FNBP4: variants seen among roughly 807,000 people sequenced by gnomAD.
FNBP4 encodes formin binding protein 4.
A neutral mutation model predicts 119.3 loss-of-function variants in FNBP4; 34 were observed. The observed-to-expected ratio is 0.28, with a 90% CI of 0.22 to 0.38. The LOEUF (loss-of-function observed/expected upper bound fraction) is 0.38. Ranked by LOEUF, FNBP4 falls within the 10% of genes least tolerant of loss-of-function variation. The probability of loss-of-function intolerance (pLI) is 1.00; values close to 1 mark genes in which losing one functional copy is unlikely to be tolerated. For missense variants in FNBP4, 1,112 were observed against 1,228.9 expected, an observed-to-expected ratio of 0.90 and a Z score of 1.42; for synonymous variants, 462 against 430.6, an observed-to-expected ratio of 1.07 and a Z score of -0.90.
chr11:47,750,655 C>G (rs575370169), intron 6 of FNBP4, among the ~76,000 whole-genome samples: 2 of 115,970 alleles, frequency 1.7e-5, no homozygotes, highest in Non-Finnish European at 3.2e-5. Context: ...CACCACTGTA[C>G]TCCAGCCTGG....
Position 47,754,399 on chromosome 11 carries a change from CAA to C in FNBP4, c.450+127_450+128del, listed in dbSNP as rs578083364. On this transcript the variant is annotated intron_variant, in intron 3 of 16. Coordinates refer to ENST00000263773, the MANE Select transcript of FNBP4 (RefSeq NM_015308.5). Reference sequence around the variant, plus strand: ...AGAGAGATAGAGATCGGGAGAAATACAAGAGAGTGTTGGAGGGAGAGGGAGAA... The same window carrying C: ...AGAGAGATAGAGATCGGGAGAAATACGAGAGTGTTGGAGGGAGAGGGAGAA... 1,579 of 873,024 alleles carry C rather than the reference CAA, an allele frequency of 1.8e-3. 2 individuals carry two copies. Among genetic ancestry groups the C allele is most frequent in the Non-Finnish European group, 2.4e-3 (1,335 of 554,526 alleles). The allele number at this position is 873,024 out of a possible 1,614,324, so 54.1% of individuals were successfully genotyped here.
At chr11:47,721,528 G>C (rs2097555637) in intron 15 of FNBP4, among the ~76,000 whole-genome samples, 1 of 152,050 alleles carries the variant, frequency 6.6e-6, no homozygotes, top group Admixed American at 6.6e-5. Flanking sequence ...GCTTGAACTG[G>C]GAGGCAGAGG....
chr11:47,724,874 A>G, intron 12 of FNBP4, 96 bp from the exon 13 acceptor site: 1 of 1,456,668 alleles, frequency 6.9e-7, no homozygotes, highest in African/African-American at 1.4e-5. Context: ...ATAATCATTT[A>G]TAGGAACCTA....
At chr11:47,757,326 T>C (rs1221475674) in intron 2 of FNBP4, among the ~76,000 whole-genome samples, 1 of 152,202 alleles carries the variant, frequency 6.6e-6, no homozygotes, top group Non-Finnish European at 1.5e-5. Flanking sequence ...GCCATTCTCC[T>C]GCCTCAGCCT....
chr11:47,736,200 C>T (rs1419606494), intron 9 of FNBP4, among the ~76,000 whole-genome samples: 6 of 149,512 alleles, frequency 4.0e-5, no homozygotes, highest in Admixed American at 3.4e-4. Context: ...AAGATCGGGC[C>T]ACGGCACTCC....
intron 12 of FNBP4, chr11:47,730,105 T>G: frequency 1.0e-6 from 1 of 985,436 alleles, no homozygotes; most frequent in Non-Finnish European, 1.2e-6. Context: ...ATTTTCAACT[T>G]TGGAACATAT....
chr11:47,726,407 ATTTTTT>A (rs5791786), intron 12 of FNBP4: 49,907 of 135,772 alleles, frequency 0.37, 9,922 homozygotes, highest in South Asian at 0.54. Context: ...CTAATTTTTA[ATTTTTT>A]TTTTTTTTTT....
chr11:47,742,533 T>C (rs1018257497), intron 8 of FNBP4, among the ~76,000 whole-genome samples: 1 of 92,262 alleles, frequency 1.1e-5, no homozygotes, highest in South Asian at 3.6e-4. Context: ...ATGAGAATAA[T>C]GAAAAGATAA....
At position 47,716,521 on chromosome 11, in the gene FNBP4, G is replaced by T. The variant is rs1475156299; in HGVS notation, c.*901C>A. 1.3e-5 allele frequency: 2 copies of T among 152,516 alleles called. No homozygotes were observed. The highest frequency in any genetic ancestry group is 3.8e-4 in the East Asian group (2 of 5,200). 9.4% of individuals were successfully genotyped at this position (152,516 alleles called of 1,614,324 possible). On this transcript the variant is annotated 3_prime_UTR_variant, in exon 17 of 17. Transcript: ENST00000263773. The stretch of plus-strand genomic sequence containing the variant: ...GACGAGCAAAAGGATAACCCATCAG[G>T]ATTATAAAAAAAGCTTTATTAGTGC...
intron 8 of FNBP4, among the ~76,000 whole-genome samples, chr11:47,743,118 T>G (rs1334818898): frequency 1.3e-5 from 2 of 152,118 alleles, no homozygotes; most frequent in African/African-American, 4.8e-5. Context: ...TGAACCACGA[T>G]CCATAAAAGT....
Position 47,724,472 on chromosome 11 carries a change from C to A in FNBP4, c.2315G>T (p.Ser772Ile), listed in dbSNP as rs148898872. 1,685 of 1,614,228 alleles carry A rather than the reference C, an allele frequency of 1.0e-3. 18 individuals carry two copies. The African/African-American group carries it at 0.018, about 17-fold the overall frequency. Residue 772 changes from serine (S) to isoleucine (I), a missense_variant, in exon 13 of 17, where the codon AGC becomes ATC. By Grantham distance (142) the Ser-to-Ile change is moderately radical. This residue lies in a region of FNBP4 where 826 missense variants were observed against 988.8 expected (regional missense o/e 0.84). Transcript: ENST00000263773. The part of the protein sequence containing the change: ...KPSAQTTVVT[S>I]QSSVDSTISS... ...ATGCCAAAGGGAATTACTTACCTGG[C>A]TAGTTACAACTGTGGTTTGTGCTGA... is the stretch of plus-strand genomic sequence containing the variant.
At chr11:47,743,592 C>A (rs1220729886) in intron 8 of FNBP4, among the ~76,000 whole-genome samples, 3 of 152,146 alleles carry the variant, frequency 2.0e-5, no homozygotes, top group East Asian at 1.9e-4. Flanking sequence ...GCTCTTCGAC[C>A]TTACCATGAA....
In FNBP4 at chr11:47,735,827, C is replaced by A. The variant is rs140240847; in HGVS notation, c.1581+789G>T. The stretch of plus-strand genomic sequence containing the variant: ...CGGTGCGGTGGCTCATGCCTGTAAT[C>A]CCAGCACTTTGGGAGGCCGAGGCAG... On this transcript the variant is annotated intron_variant, in intron 9 of 16. Coordinates refer to ENST00000263773, the MANE Select transcript of FNBP4 (RefSeq NM_015308.5). Among the ~76,000 whole-genome samples, 39 of 152,146 alleles carry A rather than the reference C, an allele frequency of 2.6e-4. No individual in the cohort carries two copies. The East Asian group carries it at 7.5e-3, about 29-fold the overall frequency.
intron 12 of FNBP4, among the ~76,000 whole-genome samples, chr11:47,730,669 A>G (rs1340440396): frequency 6.6e-6 from 1 of 152,230 alleles, no homozygotes; most frequent in Non-Finnish European, 1.5e-5. Context: ...ATAGCTACCA[A>G]TTCTTAAGAT....
chr11:47,732,514 G>A lies in FNBP4; in HGVS notation c.1820+23C>T. ...GTCTGAGATGTCAAAGGTGAAAGGT[G>A]AAAAGGGGAGAAGAGTGCGTACCTG... On this transcript the variant is annotated intron_variant, in intron 11 of 16. Transcript: ENST00000263773. The surrounding 1 kb of genome is among the most constrained non-coding windows in gnomAD (Gnocchi z 4.2). 1.2e-6 allele frequency: 2 copies of A among 1,613,914 alleles called. No homozygotes were observed. The highest frequency in any genetic ancestry group is 1.7e-6 in the Non-Finnish European group (2 of 1,179,906).
rs372269725 is a variant in FNBP4 at position 47,749,299 on chromosome 11, C to T, written c.906+1617G>A. 2.3e-4 allele frequency among the ~76,000 whole-genome samples: 24 copies of T among 103,464 alleles called. No homozygotes were observed. The East Asian group carries it at 5.0e-3, about 22-fold the overall frequency. The allele number at this position is 103,464 out of a possible 152,430, so 67.9% of individuals were successfully genotyped here. On this transcript the variant is annotated intron_variant, in intron 6 of 16. Transcript: ENST00000263773. ...AATAAGTAAATAAAAAGGAAAGGTG[C>T]GGTGGCTTGTGCCTGTAATCCCAGC...
chr11:47,750,939 T>A lies in FNBP4; in HGVS notation c.883A>T (p.Ile295Leu). The change falls in exon 6 of 17, where the codon ATA (isoleucine) becomes TTA (leucine). Residue 295 changes from isoleucine (I) to leucine (L), a missense_variant. Ile to Leu is a conservative substitution (Grantham distance 5). Around this residue, in one of 2 missense-constraint regions of FNBP4, gnomAD observed 826 missense variants for 988.8 expected, o/e 0.84. Coordinates refer to ENST00000263773, the MANE Select transcript of FNBP4 (RefSeq NM_015308.5). Reference sequence around the variant, plus strand: ...ACCTTTTTAACTTCTCGCTTGGCTATGACTGGTCCACTTTTACTACTGGAA... The same window carrying A: ...ACCTTTTTAACTTCTCGCTTGGCTAAGACTGGTCCACTTTTACTACTGGAA... The part of the protein sequence containing the change: ...SVSSSKSGPV[I>L]AKREVKKEVN... The A allele has an allele frequency of 6.2e-7, 1 of 1,614,094 alleles. No homozygotes were observed. The highest frequency in any genetic ancestry group is 8.5e-7 in the Non-Finnish European group (1 of 1,180,008).
chr11:47,728,304 C>CAG (rs1345623791), intron 12 of FNBP4, among the ~76,000 whole-genome samples: 1 of 150,894 alleles, frequency 6.6e-6, no homozygotes, highest in African/African-American at 2.4e-5. Context: ...GGCTGGAGTG[C>CAG]AGAGGTGTCA....
intron 1 of FNBP4, among the ~76,000 whole-genome samples, chr11:47,765,814 C>T (rs1423900067): frequency 6.9e-6 from 1 of 145,250 alleles, no homozygotes; most frequent in African/African-American, 2.5e-5. Flanking sequence ...TTTCATTGAC[C>T]CAAATAATTG....
Sources: gnomAD v4.1 joint callset for allele counts (sites outside exome capture counted in the v4.1 genomes callset) on GRCh38, gnomAD v4.1.1 for gene constraint, gnomAD v4.1.1 regional missense constraint, Gnocchi (gnomAD v3.1) non-coding constraint, MANE v1.5 for transcripts, NCBI Gene and HGNC (gene_info 2026-07-23, HGNC 2026-07-21) for gene names.